Variants in RYR3 observed in about 807,000 individuals in gnomAD.
RYR3 encodes the protein ryanodine receptor 3.
RYR3 carries 207 observed loss-of-function variants against 584.3 expected under a neutral mutation model. That is an observed-to-expected ratio of 0.35 (90% CI 0.32 to 0.40). RYR3 has a LOEUF of 0.40. RYR3 is among the 10% of genes least tolerant of loss of function. RYR3 has a pLI of 1.00. For missense variants in RYR3, 5,616 were observed against 6,089.2 expected, an observed-to-expected ratio of 0.92 and a Z score of 2.59; for synonymous variants, 2,416 against 2,248.5, an observed-to-expected ratio of 1.07 and a Z score of -2.11.
chr15:33,620,983 A>G (rs191249491), intron 19 of RYR3, among the ~76,000 whole-genome samples: 9 of 152,316 alleles, frequency 5.9e-5, no homozygotes, highest in African/African-American at 2.2e-4. Context: ...GTGTTAATTT[A>G]TTTTACAGTT....
At chr15:33,382,139 A>C (rs2041231639) in intron 1 of RYR3, among the ~76,000 whole-genome samples, 1 of 152,058 alleles carries the variant, frequency 6.6e-6, no homozygotes, top group Non-Finnish European at 1.5e-5. Flanking sequence ...AACTGCAAGA[A>C]GCTTGGTGGG....
intron 86 of RYR3, among the ~76,000 whole-genome samples, chr15:33,833,058 G>A (rs2152974093): frequency 2.0e-5 from 3 of 151,866 alleles, no homozygotes; most frequent in African/African-American, 2.4e-5. Flanking sequence ...GGACCACGTA[G>A]GCTATGGATA....
chr15:33,396,673 G>A (rs1941137671), intron 1 of RYR3, among the ~76,000 whole-genome samples: 1 of 152,176 alleles, frequency 6.6e-6, no homozygotes, highest in African/African-American at 2.4e-5. Flanking sequence ...CAGAGATAGT[G>A]GGAGTGCTGA....
chr15:33,842,679 C>A (rs1032313329), intron 91 of RYR3, among the ~76,000 whole-genome samples: 2 of 152,106 alleles, frequency 1.3e-5, no homozygotes. Context: ...CTGTTCCCAA[C>A]AAGGGAGAAG....
At chr15:33,578,596 A>G (rs1211499803) in intron 12 of RYR3, among the ~76,000 whole-genome samples, 1 of 151,920 alleles carries the variant, frequency 6.6e-6, no homozygotes, top group Non-Finnish European at 1.5e-5. Flanking sequence ...AACACACACT[A>G]TGGCCTGTCG....
intron 1 of RYR3, among the ~76,000 whole-genome samples, chr15:33,438,608 T>G (rs1288538831): frequency 2.0e-5 from 3 of 152,236 alleles, no homozygotes. Context: ...TACACACACA[T>G]GTGCATCAAC....
intron 3 of RYR3, among the ~76,000 whole-genome samples, chr15:33,519,911 T>C (rs994715185): frequency 6.6e-6 from 1 of 152,184 alleles, no homozygotes; most frequent in African/African-American, 2.4e-5. Context: ...TTTGTTTTGC[T>C]GGGTAATATA....
At chr15:33,726,630 T>G in intron 46 of RYR3, 124 bp downstream of exon 46, 2 of 999,410 alleles carry the variant, frequency 2.0e-6, no homozygotes, top group Non-Finnish European at 2.8e-6. Flanking sequence ...ACAGGGCAAG[T>G]GTCTCACTCT....
intron 1 of RYR3, among the ~76,000 whole-genome samples, chr15:33,359,449 C>T (rs1281071993): frequency 1.3e-5 from 2 of 152,134 alleles, no homozygotes; most frequent in Non-Finnish European, 2.9e-5. Context: ...CACCACTCTG[C>T]CCCAGGGCCT....
chr15:33,636,335 A>G (rs764029316), intron 26 of RYR3, 41 bp from the exon 27 acceptor site: 9 of 1,576,984 alleles, frequency 5.7e-6, no homozygotes, highest in South Asian at 2.2e-5. Flanking sequence ...TGGGGCCTCT[A>G]GAGACTCCAT....
chr15:33,640,671 T>C (rs1475514912), intron 27 of RYR3, among the ~76,000 whole-genome samples: 5 of 152,216 alleles, frequency 3.3e-5, no homozygotes, highest in Non-Finnish European at 5.9e-5. Context: ...GGCCTTATAA[T>C]ACCAAGTGTA....
chr15:33,374,373 TG>T (rs2040568248), intron 1 of RYR3, among the ~76,000 whole-genome samples: 1 of 150,818 alleles, frequency 6.6e-6, no homozygotes, highest in Admixed American at 6.6e-5. Context: ...TATGTGTGTG[TG>T]TGTGTGTGTG....
At position 33,676,848 on chromosome 15, in the gene RYR3, A is replaced by G. The variant is rs571491368; in HGVS notation, c.5860+6292A>G. On this transcript the variant is annotated intron_variant, in intron 38 of 103. Transcript: ENST00000634891. ...GCTTCACAGTAATCGATGCTTAAAA[A>G]GTATTCTGTGATCTGTTGAATCAAT... 4.5e-4 allele frequency among the ~76,000 whole-genome samples: 68 copies of G among 152,350 alleles called. 1 individual carries two copies. Among genetic ancestry groups the G allele is most frequent in the African/African-American group, 1.5e-3 (64 of 41,594 alleles).
chr15:33,843,176 C>T (rs1018245601), intron 91 of RYR3, among the ~76,000 whole-genome samples: 5 of 151,932 alleles, frequency 3.3e-5, no homozygotes, highest in African/African-American at 7.3e-5. Flanking sequence ...AAAAATTAGC[C>T]GGGTGTGTTG....
chr15:33,376,337 G>A (rs969149190), intron 1 of RYR3, among the ~76,000 whole-genome samples: 3 of 152,152 alleles, frequency 2.0e-5, no homozygotes, highest in African/African-American at 7.2e-5. Flanking sequence ...TCCTTTGTAT[G>A]AATATCCAAC....
chr15:33,570,970 G>T (rs1567562649), intron 12 of RYR3, among the ~76,000 whole-genome samples: 2 of 152,124 alleles, frequency 1.3e-5, no homozygotes. Flanking sequence ...GGAGCAGGTG[G>T]ATTCTTTAGA....
chr15:33,392,673 A>G (rs2042076246), intron 1 of RYR3, among the ~76,000 whole-genome samples: 1 of 152,168 alleles, frequency 6.6e-6, no homozygotes, highest in Non-Finnish European at 1.5e-5. Context: ...TCCTGTGGGT[A>G]GAGAAGCCCC....
At chr15:33,499,128 C>A (rs2051715680) in intron 2 of RYR3, among the ~76,000 whole-genome samples, 2 of 151,994 alleles carry the variant, frequency 1.3e-5, no homozygotes, top group Admixed American at 1.3e-4. Flanking sequence ...CAGTCTAATA[C>A]CTACTTCTTC....
rs1323874371 is a variant in RYR3 at position 33,861,146 on chromosome 15, T to C, written c.14433T>C (p.His4811=). The C allele has an allele frequency of 6.3e-7, 1 of 1,596,306 alleles. No individual in the cohort carries two copies. The part of the protein sequence containing the change: ...FDTTPHGFET[H]TLQEHNLANY... ...CAACCCCTCATGGTTTTGAAACACA[T>C]ACATTACAAGAGCACAACTTAGCCA... The change falls in exon 102 of 104, where the codon CAT becomes CAC. Residue 4811 remains histidine, a synonymous_variant. Coordinates refer to ENST00000634891, the MANE Select transcript of RYR3 (RefSeq NM_001036.6).
Sources: gnomAD v4.1 joint callset for allele counts (sites outside exome capture counted in the v4.1 genomes callset) on GRCh38, gnomAD v4.1.1 for gene constraint, MANE v1.5 for transcripts, NCBI Gene and HGNC (gene_info 2026-07-23, HGNC 2026-07-21) for gene names.